The following WDR3 variants were observed in gnomAD, a reference collection of about 807,000 sequenced individuals.
The protein encoded by WDR3 is WD repeat-containing protein 3.
A neutral mutation model predicts 123.7 loss-of-function variants in WDR3; 81 were observed. The observed-to-expected ratio is 0.65, with a 90% CI of 0.55 to 0.79. WDR3 has a LOEUF of 0.79. Ranked by LOEUF, WDR3 falls within the 30% of genes least tolerant of loss-of-function variation. The pLI is 0.00. For synonymous variants in WDR3, 390 were observed against 388.8 expected (o/e 1.00, Z -0.04); for missense variants, 1,027 against 1,123.2 (o/e 0.91, Z 1.22).
intron 26 of WDR3, 93 bp from the exon 27 acceptor site, chr1:117,959,199 C>A: frequency 6.8e-7 from 1 of 1,462,040 alleles, no homozygotes; most frequent in Non-Finnish European, 9.2e-7. Flanking sequence ...TAAGTAACAA[C>A]ACCTGAAGCT....
rs777740504 is a variant in WDR3 at position 117,934,569 on chromosome 1, C to T, written c.268C>T (p.Arg90Ter). ...LAVGYEDGSI[R>*]IFSLLSGEGN... ...TGTTGGGTATGAGGATGGGTCGATC[C>T]GAATCTTCAGTCTCCTGAGTGGGGA... Residue 90 changes from arginine (R) to a stop codon, truncating the protein, a stop_gained, in exon 3 of 27, where the codon CGA becomes TGA. Coordinates refer to ENST00000349139, the MANE Select transcript of WDR3 (RefSeq NM_006784.3). LOFTEE classifies it high-confidence loss of function. 12 of 1,613,978 alleles carry T rather than the reference C, an allele frequency of 7.4e-6. No individual in the cohort carries two copies. Among genetic ancestry groups the T allele is most frequent in the Admixed American group, 1.7e-5 (1 of 60,000 alleles).
chr1:117,958,035 C>A (rs1652476357), intron 25 of WDR3, among the ~76,000 whole-genome samples: 1 of 152,162 alleles, frequency 6.6e-6, no homozygotes, highest in Non-Finnish European at 1.5e-5. Flanking sequence ...ATATTCTTCT[C>A]ATCTCTCACC....
At chr1:117,947,736 C>T (rs893358264) in intron 12 of WDR3, among the ~76,000 whole-genome samples, 1 of 152,194 alleles carries the variant, frequency 6.6e-6, no homozygotes, top group African/African-American at 2.4e-5. Flanking sequence ...GTACTCAAGT[C>T]TTTTAGCTTA....
At chr1:117,936,689 AT>A in intron 3 of WDR3, 79 bp from the exon 4 acceptor site, 1 of 1,138,184 alleles carries the variant, frequency 8.8e-7, no homozygotes, top group East Asian at 2.4e-5. Context: ...CTTTTTAATA[AT>A]TAAGTCTCAT....
rs1449545851 is a variant in WDR3 at position 117,943,412 on chromosome 1, C to G, written c.1114C>G (p.His372Asp). The change falls in exon 11 of 27, where the codon CAT (histidine) becomes GAT (aspartate). Residue 372 changes from histidine (H) to aspartate (D), a missense_variant. His to Asp is a moderately conservative substitution (Grantham distance 81). Coordinates refer to ENST00000349139, the MANE Select transcript of WDR3 (RefSeq NM_006784.3). ...CTTGTACAGGTCCTTTGACTTGATTCATTCACCTCACGGAGAGTTAAAGGC... is the reference window on the plus strand; with the variant it reads ...CTTGTACAGGTCCTTTGACTTGATTGATTCACCTCACGGAGAGTTAAAGGC... ...SAKIKSFDLI[H>D]SPHGELKAVF... 1 of 1,613,818 alleles carries G rather than the reference C, an allele frequency of 6.2e-7. No individual in the cohort carries two copies. Among genetic ancestry groups the G allele is most frequent in the Admixed American group, 1.7e-5 (1 of 59,984 alleles).
In WDR3 at chr1:117,959,903, T is replaced by TGCAGTGTCATGGATCTTA. The variant is rs1652801600; in HGVS notation, c.*458_*475dup. 1 of 152,780 alleles carries TGCAGTGTCATGGATCTTA rather than the reference T, an allele frequency of 6.5e-6. No homozygotes were observed. Among genetic ancestry groups the TGCAGTGTCATGGATCTTA allele is most frequent in the Non-Finnish European group, 1.5e-5 (1 of 68,492 alleles). 9.5% of individuals were successfully genotyped at this position (152,780 alleles called of 1,614,324 possible). On this transcript the variant is annotated 3_prime_UTR_variant, in exon 27 of 27. Coordinates refer to ENST00000349139, the MANE Select transcript of WDR3 (RefSeq NM_006784.3). ...ATTGATTGCCCTTTGGCCATAAAAA[T>TGCAGTGTCATGGATCTTA]GCAGTGTCATGGATCTTAGAGCTAA...
intron 11 of WDR3, among the ~76,000 whole-genome samples, chr1:117,944,007 A>G (rs1456502391): frequency 6.6e-6 from 1 of 152,174 alleles, no homozygotes. Context: ...TTGTCAAATC[A>G]AATACCTCCA....
intron 8 of WDR3, 96 bp downstream of exon 8, chr1:117,941,321 C>T: frequency 8.2e-7 from 1 of 1,223,402 alleles, no homozygotes; most frequent in Non-Finnish European, 1.2e-6. Context: ...TTTTTCTTGA[C>T]TCATGTTAAT....
Position 117,949,517 on chromosome 1 carries a change from A to G in WDR3, c.1525-234A>G, listed in dbSNP as rs535520058. The stretch of plus-strand genomic sequence containing the variant: ...GATGCTAGATAATAGTATAACTAGA[A>G]CTTTTCATTAGTTATTATTTCTGCC... On this transcript the variant is annotated intron_variant, in intron 13 of 26. Transcript: ENST00000349139. 2.6e-5 allele frequency among the ~76,000 whole-genome samples: 4 copies of G among 152,302 alleles called. No individual in the cohort carries two copies. The East Asian group carries it at 5.8e-4, about 22-fold the overall frequency.
intron 25 of WDR3, among the ~76,000 whole-genome samples, chr1:117,957,962 A>G (rs1413167637): frequency 6.6e-6 from 1 of 152,248 alleles, no homozygotes; most frequent in Non-Finnish European, 1.5e-5. Context: ...TCATTAGGCT[A>G]TATTCTTACT....
chr1:117,937,056 T>C (rs1650966712), intron 4 of WDR3, among the ~76,000 whole-genome samples, 169 bp downstream of exon 4: 4 of 152,190 alleles, frequency 2.6e-5, no homozygotes, highest in Admixed American at 2.0e-4. Flanking sequence ...CGTAGAGCTA[T>C]CCAAAGCTAT....
intron 8 of WDR3, 52 bp from the exon 9 acceptor site, chr1:117,941,698 G>T (rs376608025): frequency 1.7e-5 from 26 of 1,573,686 alleles, no homozygotes; most frequent in Non-Finnish European, 2.1e-5. Flanking sequence ...TGAGAATTAG[G>T]TAAATTACAA....
In WDR3 at chr1:117,943,503, A is replaced by G. The variant is rs1651254759; in HGVS notation, c.1205A>G (p.Gln402Arg). 1 of 1,613,998 alleles carries G rather than the reference A, an allele frequency of 6.2e-7. No homozygotes were observed. The highest frequency in any genetic ancestry group is 1.7e-5 in the Admixed American group (1 of 59,992). ...CTGAATCCATCCTTGCCTACTCCTC[A>G]GCCTGTCAGGACAAGCAGAATCACT... ...YSLNPSLPTP[Q>R]PVRTSRITIG... The change falls in exon 11 of 27, where the codon CAG becomes CGG. Residue 402 changes from glutamine to arginine, a missense_variant. Physicochemically the swap from Gln to Arg is conservative, Grantham distance 43. Coordinates refer to ENST00000349139, the MANE Select transcript of WDR3 (RefSeq NM_006784.3).
chr1:117,933,545 G>A (rs1266392469), intron 2 of WDR3, 55 bp downstream of exon 2: 1 of 1,604,020 alleles, frequency 6.2e-7, no homozygotes, highest in Non-Finnish European at 8.5e-7. Context: ...AGGATGGAGA[G>A]GTAGTAGAAG....
intron 3 of WDR3, among the ~76,000 whole-genome samples, chr1:117,935,772 A>G (rs1650921640): frequency 6.6e-6 from 1 of 152,026 alleles, no homozygotes; most frequent in Non-Finnish European, 1.5e-5. Context: ...CAAAGAAATA[A>G]ATTAAAAAAG....
intron 8 of WDR3, 142 bp downstream of exon 8, chr1:117,941,367 C>G (rs1651164693): frequency 1.3e-6 from 1 of 745,672 alleles, no homozygotes; most frequent in Non-Finnish European, 2.1e-6. Flanking sequence ...CCTATAATCT[C>G]TAGCTTTATT....
chr1:117,958,425 G>A (rs1049630939), intron 25 of WDR3, among the ~76,000 whole-genome samples: 3 of 152,162 alleles, frequency 2.0e-5, no homozygotes, highest in East Asian at 1.9e-4. Context: ...TACTTATAGC[G>A]TATCAGAGGC....
In WDR3 at chr1:117,949,903, C is replaced by T. The variant is rs148333115; in HGVS notation, c.1610+67C>T. The T allele has an allele frequency of 2.8e-3, 4,454 of 1,608,548 alleles. 6 individuals carry two copies. Among genetic ancestry groups the T allele is most frequent in the Non-Finnish European group, 3.3e-3 (3,906 of 1,176,298 alleles). On this transcript the variant is annotated intron_variant, in intron 14 of 26. Coordinates refer to ENST00000349139, the MANE Select transcript of WDR3 (RefSeq NM_006784.3). ...GGGGAGCTATGGAATGGCCTTTTGACGTCTTATATCATTTGTTGTGCTCTA... is the reference window on the plus strand; with the variant it reads ...GGGGAGCTATGGAATGGCCTTTTGATGTCTTATATCATTTGTTGTGCTCTA...
chr1:117,964,176 T>G lies in WDR3; in HGVS notation c.*4729T>G. 2.8e-6 allele frequency: 1 copy of G among 354,144 alleles called. No homozygotes were observed. The highest frequency in any genetic ancestry group is 4.3e-5 in the East Asian group (1 of 23,100). 21.9% of individuals were successfully genotyped at this position (354,144 alleles called of 1,614,324 possible). ...CATTTCTCTCCTAACTGTGACTGGC[T>G]TTCTATAAGGAGCCATCAGTATGGT... On this transcript the variant is annotated 3_prime_UTR_variant, in exon 27 of 27. Transcript: ENST00000349139.
Sources: allele counts gnomAD v4.1 joint callset (sites outside exome capture counted in the v4.1 genomes callset), GRCh38; gene constraint gnomAD v4.1.1; transcripts MANE v1.5; gene names NCBI Gene and HGNC (gene_info 2026-07-23, HGNC 2026-07-21).